The following PACS1 variants were observed in gnomAD, a reference collection of about 807,000 sequenced individuals.
PACS1 encodes the protein phosphofurin acidic cluster sorting protein 1.
Under a neutral mutation model 115.0 loss-of-function variants are expected in PACS1, and 24 were observed. That is an observed-to-expected ratio of 0.21 (90% confidence interval 0.15 to 0.29). PACS1 has a LOEUF of 0.29. PACS1 is among the 10% of genes least tolerant of loss of function. PACS1 has a pLI of 1.00. For synonymous variants in PACS1, 453 were observed against 504.5 expected, an observed-to-expected ratio of 0.90 and a Z score of 1.37; for missense variants, 838 against 1,251.2, an observed-to-expected ratio of 0.67 and a Z score of 4.98.
chr11:66,085,342 C>T (rs1174229772), intron 1 of PACS1, among the ~76,000 whole-genome samples: 1 of 152,010 alleles, frequency 6.6e-6, no homozygotes, highest in Non-Finnish European at 1.5e-5. Context: ...TGAAAGAGAA[C>T]AGAAAAATAA....
chr11:66,232,185 T>G lies in PACS1; in HGVS notation c.1640T>G (p.Val547Gly). ...LGHSTQIPRKVVYDQLNQILV... is the reference protein window; with the variant it reads ...LGHSTQIPRKGVYDQLNQILV... ...TTGTTCCTGCAGATTCCAAGAAAGG[T>G]GGTGTATGACCAGCTCAATCAGATC... is the stretch of plus-strand genomic sequence containing the variant. The change falls in exon 14 of 24, where the codon GTG (valine) becomes GGG (glycine). Residue 547 changes from valine to glycine, a missense_variant. Around this residue, in one of 6 missense-constraint regions of PACS1, gnomAD observed 383 missense variants for 537.0 expected, o/e 0.71. Transcript: ENST00000320580. 6.2e-7 allele frequency: 1 copy of G among 1,611,582 alleles called. No individual in the cohort carries two copies. The highest frequency in any genetic ancestry group is 8.5e-7 in the Non-Finnish European group (1 of 1,177,720).
intron 1 of PACS1, among the ~76,000 whole-genome samples, chr11:66,149,486 GT>G (rs1001382064): frequency 6.6e-6 from 1 of 151,954 alleles, no homozygotes; most frequent in Admixed American, 6.6e-5. Flanking sequence ...AAAATAAGAG[GT>G]TTTTTTCCTA....
At chr11:66,112,207 T>A (rs925609984) in intron 1 of PACS1, among the ~76,000 whole-genome samples, 20 of 151,906 alleles carry the variant, frequency 1.3e-4, no homozygotes, top group Non-Finnish European at 1.9e-4. Context: ...AACCCAGACT[T>A]CTTCTCCTGG....
chr11:66,132,986 G>C (rs1005151256), intron 1 of PACS1, among the ~76,000 whole-genome samples: 1 of 152,068 alleles, frequency 6.6e-6, no homozygotes, highest in Admixed American at 6.6e-5. Context: ...AAATATTTTT[G>C]ATCCATGGAT....
At chr11:66,117,474 AGAG>A (rs1298804947) in intron 1 of PACS1, among the ~76,000 whole-genome samples, 4 of 131,296 alleles carry the variant, frequency 3.0e-5, no homozygotes, top group East Asian at 2.2e-4. Context: ...AAAAAAAAAA[AGAG>A]AGAAAAGAAA....
At chr11:66,138,051 C>A (rs1400568101) in intron 1 of PACS1, among the ~76,000 whole-genome samples, 2 of 151,954 alleles carry the variant, frequency 1.3e-5, no homozygotes, top group African/African-American at 4.8e-5. Context: ...AATTCTGATT[C>A]AGTAGGTCTG....
At chr11:66,139,612 C>T (rs1271782962) in intron 1 of PACS1, among the ~76,000 whole-genome samples, 1 of 152,032 alleles carries the variant, frequency 6.6e-6, no homozygotes, top group African/African-American at 2.4e-5. Context: ...GTTTGTCTTG[C>T]TGTGCCTGGC....
intron 1 of PACS1, among the ~76,000 whole-genome samples, chr11:66,078,416 A>G (rs1458919915): frequency 2.0e-5 from 3 of 152,176 alleles, no homozygotes; most frequent in African/African-American, 4.8e-5. Context: ...TGGACACATT[A>G]GTGGTTATGT....
intron 2 of PACS1, among the ~76,000 whole-genome samples, chr11:66,195,239 A>T (rs1251932023): frequency 1.3e-5 from 2 of 152,114 alleles, no homozygotes; most frequent in African/African-American, 4.8e-5. Flanking sequence ...AAAACTTAAA[A>T]TGTTTTAATT....
chr11:66,235,283 C>T lies in PACS1; in HGVS notation c.2105-18C>T, dbSNP rs1484544764. The T allele has an allele frequency of 5.0e-6, 8 of 1,603,622 alleles. No individual in the cohort carries two copies. The highest frequency in any genetic ancestry group is 6.0e-6 in the Non-Finnish European group (7 of 1,170,730). On this transcript the variant is annotated intron_variant, in intron 17 of 23. Transcript: ENST00000320580. The surrounding 1 kb of genome is among the most constrained non-coding windows in gnomAD (Gnocchi z 5.6). ...CTGAAGTCAGTAGGCAGTTAGTGAT[C>T]TCTTGGCTTTTCTGCAGAGCAACTG...
chr11:66,100,901 G>A (rs1374125508), intron 1 of PACS1: 2 of 456,148 alleles, frequency 4.4e-6, no homozygotes, highest in Non-Finnish European at 8.8e-6. Flanking sequence ...CCAAGGGCAG[G>A]CATCACACAA....
intron 1 of PACS1, among the ~76,000 whole-genome samples, chr11:66,098,642 T>C (rs1857840284): frequency 6.6e-6 from 1 of 152,234 alleles, no homozygotes; most frequent in Non-Finnish European, 1.5e-5. Context: ...CACAGTTTGC[T>C]GCCCCAACTA....
intron 11 of PACS1, 64 bp downstream of exon 11, chr11:66,227,648 G>T: frequency 9.7e-7 from 1 of 1,032,548 alleles, no homozygotes; most frequent in Non-Finnish European, 1.5e-6. Context: ...TAGAAATAAC[G>T]GCAGAAGGAC....
At chr11:66,225,845 C>T (rs1271808620) in intron 10 of PACS1, among the ~76,000 whole-genome samples, 1 of 152,144 alleles carries the variant, frequency 6.6e-6, no homozygotes, top group Non-Finnish European at 1.5e-5. Flanking sequence ...CAGGTCTAAC[C>T]AGAGCTTTTC....
intron 1 of PACS1, among the ~76,000 whole-genome samples, chr11:66,117,906 C>T (rs914592110): frequency 2.6e-5 from 4 of 152,172 alleles, no homozygotes; most frequent in South Asian, 2.1e-4. Context: ...GATAATGATG[C>T]GGTAGACTTT....
chr11:66,180,364 G>A (rs1263015794), intron 1 of PACS1, among the ~76,000 whole-genome samples: 2 of 149,234 alleles, frequency 1.3e-5, no homozygotes, highest in East Asian at 4.0e-4. Context: ...TTTTTTTTGT[G>A]TGTGTGTGTG....
chr11:66,196,335 G>T (rs74777354), intron 2 of PACS1, among the ~76,000 whole-genome samples: 3,596 of 152,318 alleles, frequency 0.024, 168 homozygotes, highest in African/African-American at 0.083. Flanking sequence ...TATTTTGTGT[G>T]ATGAGATGGG....
chr11:66,226,916 T>G (rs1238139224), intron 10 of PACS1, among the ~76,000 whole-genome samples: 1 of 152,172 alleles, frequency 6.6e-6, no homozygotes, highest in Non-Finnish European at 1.5e-5. Context: ...CAAAGGAAAT[T>G]TTTAATATTT....
chr11:66,112,942 GC>G (rs1858220974), intron 1 of PACS1, among the ~76,000 whole-genome samples: 1 of 152,214 alleles, frequency 6.6e-6, no homozygotes, highest in South Asian at 2.1e-4. Context: ...ATGAAAGGAA[GC>G]CTTACACAGA....
Sources: allele counts gnomAD v4.1 joint callset (sites outside exome capture counted in the v4.1 genomes callset), GRCh38; gene constraint gnomAD v4.1.1; regional missense constraint gnomAD v4.1.1; non-coding constraint Gnocchi (gnomAD v3.1); transcripts MANE v1.5; gene names NCBI Gene and HGNC (gene_info 2026-07-23, HGNC 2026-07-21).